FANCL: variants seen among roughly 807,000 people sequenced by gnomAD.
The protein encoded by FANCL is FA complementation group L.
A neutral mutation model predicts 59.4 loss-of-function variants in FANCL; 69 were observed. The ratio of observed to expected loss-of-function variants is 1.16; its 90% CI spans 0.96 to 1.42. FANCL has a LOEUF of 1.42. FANCL is among the 40% of genes most tolerant of loss of function. FANCL has a pLI of 0.00. For missense variants in FANCL, 519 were observed against 447.2 expected (o/e 1.16, Z -1.45); for synonymous variants, 180 against 147.1 (o/e 1.22, Z -1.62).
At chr2:58,171,401 C>A (rs544236206) in intron 7 of FANCL, among the ~76,000 whole-genome samples, 2 of 152,106 alleles carry the variant, frequency 1.3e-5, no homozygotes, top group Admixed American at 6.5e-5. Flanking sequence ...AAATTTATAA[C>A]GAAATGCCCA....
chr2:58,190,997 C>A (rs1249132720), intron 7 of FANCL, among the ~76,000 whole-genome samples: 1 of 151,756 alleles, frequency 6.6e-6, no homozygotes, highest in East Asian at 1.9e-4. Context: ...TTTCTGTCTT[C>A]AACCTATTGG....
At chr2:58,204,480 G>A (rs979608021) in intron 5 of FANCL, among the ~76,000 whole-genome samples, 23 of 152,060 alleles carry the variant, frequency 1.5e-4, no homozygotes, top group African/African-American at 5.3e-4. Context: ...TGTGGTCAGT[G>A]AGCACTATGT....
At chr2:58,224,524 C>A (rs114236282) in intron 4 of FANCL, among the ~76,000 whole-genome samples, 1,692 of 151,852 alleles carry the variant, frequency 0.011, 11 homozygotes, top group Non-Finnish European at 0.016. Flanking sequence ...CAAAGTCCTA[C>A]CTTAGAAGGT....
At chr2:58,203,578 T>C (rs775956248) in intron 6 of FANCL, among the ~76,000 whole-genome samples, 1 of 151,986 alleles carries the variant, frequency 6.6e-6, no homozygotes, top group Non-Finnish European at 1.5e-5. Flanking sequence ...CCAATAAAAT[T>C]TGTGATTATA....
At chr2:58,231,417 T>C (rs1298373216) in intron 2 of FANCL, among the ~76,000 whole-genome samples, 1 of 152,226 alleles carries the variant, frequency 6.6e-6, no homozygotes, top group Admixed American at 6.5e-5. Flanking sequence ...CTGTGACCTC[T>C]TCTCTAGCTT....
intron 5 of FANCL, among the ~76,000 whole-genome samples, chr2:58,211,070 G>T (rs1691095784): frequency 6.6e-6 from 1 of 152,154 alleles, no homozygotes; most frequent in African/African-American, 2.4e-5. Flanking sequence ...GCCTCAGTAG[G>T]GACTCTGTGT....
intron 5 of FANCL, among the ~76,000 whole-genome samples, chr2:58,217,601 A>G (rs951460387): frequency 6.6e-6 from 1 of 152,032 alleles, no homozygotes; most frequent in African/African-American, 2.4e-5. Context: ...AGATGAAAAG[A>G]AACATGTCCT....
intron 7 of FANCL, among the ~76,000 whole-genome samples, chr2:58,171,363 G>A (rs1194211877): frequency 1.3e-5 from 2 of 152,032 alleles, no homozygotes; most frequent in African/African-American, 4.8e-5. Context: ...AGAATCTCTG[G>A]GACACAGCCA....
At chr2:58,225,883 T>G (rs868244301) in intron 4 of FANCL, among the ~76,000 whole-genome samples, 5 of 152,088 alleles carry the variant, frequency 3.3e-5, no homozygotes, top group South Asian at 2.1e-4. Context: ...ATAAGTCTTA[T>G]ATAAGGCTTA....
At chr2:58,208,846 G>T (rs1052716835) in intron 5 of FANCL, among the ~76,000 whole-genome samples, 3 of 151,996 alleles carry the variant, frequency 2.0e-5, no homozygotes, top group African/African-American at 7.2e-5. Flanking sequence ...TCAATCCCTT[G>T]CTCAAAAATA....
intron 6 of FANCL, among the ~76,000 whole-genome samples, chr2:58,199,712 T>C (rs141248677): frequency 1.2e-4 from 19 of 152,256 alleles, no homozygotes; most frequent in East Asian, 1.9e-4. Flanking sequence ...TTCTCTATAA[T>C]CCAATTCTGA....
chr2:58,211,263 T>C (rs113506287), intron 5 of FANCL, among the ~76,000 whole-genome samples: 9,863 of 152,254 alleles, frequency 0.065, 419 homozygotes, highest in Middle Eastern at 0.099. Context: ...CAACAACATG[T>C]GGAAGCTGCC....
rs1684846044 is a variant in FANCL, at chr2:58,159,896, T to C, written c.1093-96A>G. On this transcript the variant is annotated intron_variant, in intron 13 of 13. Coordinates refer to ENST00000233741, the MANE Select transcript of FANCL (RefSeq NM_018062.4). ...ATAGTGTCATAGAATAGTGTCATAG[T>C]ACAGTTTGGAAAACACTTCTGAAGT... 6 of 1,564,418 alleles carry C rather than the reference T, an allele frequency of 3.8e-6. No individual in the cohort carries two copies. The Admixed American group carries it at 9.8e-5, about 26-fold the overall frequency.
chr2:58,237,889 T>C (rs1694169067), intron 1 of FANCL, among the ~76,000 whole-genome samples: 1 of 152,184 alleles, frequency 6.6e-6, no homozygotes, highest in African/African-American at 2.4e-5. Context: ...ATGTGCATCT[T>C]TATTGATCTC....
intron 7 of FANCL, among the ~76,000 whole-genome samples, chr2:58,173,758 A>C (rs1248514636): frequency 2.0e-5 from 3 of 152,188 alleles, no homozygotes; most frequent in East Asian, 1.9e-4. Context: ...CTAACATCAT[A>C]ATGACAGGAT....
At chr2:58,197,155 T>TAA (rs1363845379) in intron 7 of FANCL, among the ~76,000 whole-genome samples, 3 of 145,310 alleles carry the variant, frequency 2.1e-5, no homozygotes, top group African/African-American at 5.0e-5. Context: ...ATTGGGACTT[T>TAA]AAAAAAAAAA....
chr2:58,212,227 G>T (rs899692749), intron 5 of FANCL, among the ~76,000 whole-genome samples: 1 of 152,184 alleles, frequency 6.6e-6, no homozygotes, highest in African/African-American at 2.4e-5. Context: ...GATGGCAGCA[G>T]GCAAAGAGAG....
intron 7 of FANCL, among the ~76,000 whole-genome samples, chr2:58,177,825 C>A (rs187009527): frequency 1.0e-3 from 147 of 145,814 alleles, no homozygotes; most frequent in Non-Finnish European, 1.1e-3. Context: ...ACAAAAAAAA[C>A]CCAAATAGAC....
chr2:58,174,640 T>C (rs1470956101), intron 7 of FANCL, among the ~76,000 whole-genome samples: 1 of 151,042 alleles, frequency 6.6e-6, no homozygotes, highest in Non-Finnish European at 1.5e-5. Context: ...TTCAAAGCAG[T>C]GTGTAGAGGG....
Sources: gnomAD v4.1 joint callset for allele counts (sites outside exome capture counted in the v4.1 genomes callset) on GRCh38, gnomAD v4.1.1 for gene constraint, MANE v1.5 for transcripts, NCBI Gene and HGNC (gene_info 2026-07-23, HGNC 2026-07-21) for gene names.